TRPM3: variants seen among roughly 807,000 people sequenced by gnomAD.
TRPM3 encodes transient receptor potential cation channel subfamily M member 3, also known as long transient receptor potential channel 3.
In TRPM3, 77 loss-of-function variants were observed where a neutral mutation model predicts 181.2. The observed-to-expected ratio is 0.42, with a 90% CI of 0.35 to 0.51. TRPM3 has a LOEUF of 0.51. TRPM3 is among the 20% of genes least tolerant of loss of function. TRPM3 has a pLI of 0.01. For missense variants in TRPM3, 1,759 were observed against 2,196.7 expected, an observed-to-expected ratio of 0.80 and a Z score of 3.98; for synonymous variants, 745 against 796.4, an observed-to-expected ratio of 0.94 and a Z score of 1.09.
intron 1 of TRPM3, among the ~76,000 whole-genome samples, chr9:71,083,241 T>C (rs1450382401): frequency 6.6e-6 from 1 of 152,136 alleles, no homozygotes; most frequent in African/African-American, 2.4e-5. Context: ...CTACCATTTA[T>C]TGAGTGCTTA....
At chr9:71,302,505 C>T (rs1161206075) in intron 1 of TRPM3, among the ~76,000 whole-genome samples, 1 of 152,204 alleles carries the variant, frequency 6.6e-6, no homozygotes, top group East Asian at 1.9e-4. Context: ...AATTTCATTT[C>T]TCCATTTCTT....
chr9:70,974,140 TA>T, intron 1 of TRPM3, among the ~76,000 whole-genome samples: 1 of 152,324 alleles, frequency 6.6e-6, no homozygotes, highest in East Asian at 1.9e-4. Context: ...TATAGCGTAG[TA>T]AACTTACTGA....
chr9:70,581,209 G>A (rs1210846659), intron 22 of TRPM3, among the ~76,000 whole-genome samples: 4 of 152,190 alleles, frequency 2.6e-5, no homozygotes, highest in Admixed American at 1.3e-4. Flanking sequence ...ACCAGTGGGT[G>A]TCATCTCCCT....
chr9:71,158,087 T>G (rs1352929693), intron 1 of TRPM3, among the ~76,000 whole-genome samples: 1 of 152,176 alleles, frequency 6.6e-6, no homozygotes, highest in Non-Finnish European at 1.5e-5. Flanking sequence ...AATCTTAAAG[T>G]TGTGACATAG....
intron 8 of TRPM3, among the ~76,000 whole-genome samples, chr9:70,742,390 G>T (rs565637809): frequency 2.0e-5 from 3 of 152,114 alleles, no homozygotes; most frequent in South Asian, 4.1e-4. Flanking sequence ...TCAGATCAGG[G>T]TAATTAGCAT....
chr9:70,816,216 A>G (rs2092676578), intron 6 of TRPM3, among the ~76,000 whole-genome samples: 1 of 152,256 alleles, frequency 6.6e-6, no homozygotes, highest in African/African-American at 2.4e-5. Flanking sequence ...TTATCTTTTC[A>G]TAATTGCCAT....
At chr9:70,919,589 G>C (rs2096634380) in intron 1 of TRPM3, among the ~76,000 whole-genome samples, 1 of 152,098 alleles carries the variant, frequency 6.6e-6, no homozygotes, top group African/African-American at 2.4e-5. Context: ...TTGGAGACCA[G>C]CCTGGCCAAC....
intron 1 of TRPM3, among the ~76,000 whole-genome samples, chr9:71,207,820 C>G (rs1218643339): frequency 6.6e-6 from 1 of 152,104 alleles, no homozygotes; most frequent in Non-Finnish European, 1.5e-5. Flanking sequence ...AGAACATAGA[C>G]AGTTGCTATA....
chr9:70,838,083 G>T (rs1010255326), intron 5 of TRPM3, among the ~76,000 whole-genome samples: 2 of 152,132 alleles, frequency 1.3e-5, no homozygotes, highest in African/African-American at 4.8e-5. Context: ...ATGAAGACAG[G>T]CAGAACAAGT....
intron 8 of TRPM3, among the ~76,000 whole-genome samples, chr9:70,699,739 A>G (rs2071781737): frequency 6.6e-6 from 1 of 152,138 alleles, no homozygotes; most frequent in Non-Finnish European, 1.5e-5. Context: ...TAAATCTTGG[A>G]GTGAGGATTG....
At chr9:71,144,109 A>G (rs1190418312) in intron 1 of TRPM3, among the ~76,000 whole-genome samples, 1 of 152,168 alleles carries the variant, frequency 6.6e-6, no homozygotes, top group Admixed American at 6.6e-5. Flanking sequence ...TAACACAACG[A>G]CTTCCTTAAA....
chr9:70,613,853 CA>C (rs945004377), intron 18 of TRPM3, among the ~76,000 whole-genome samples: 14 of 152,256 alleles, frequency 9.2e-5, no homozygotes, highest in African/African-American at 3.4e-4. Flanking sequence ...CTAGGCTGAG[CA>C]GGGGAAGCTA....
At chr9:70,890,172 G>T (rs1265545075) in intron 1 of TRPM3, among the ~76,000 whole-genome samples, 1 of 150,708 alleles carries the variant, frequency 6.6e-6, no homozygotes, top group Admixed American at 6.6e-5. Flanking sequence ...AAGCATGGAA[G>T]AAGAGAGACT....
At chr9:70,990,162 G>C (rs1263567627) in intron 1 of TRPM3, among the ~76,000 whole-genome samples, 1 of 152,158 alleles carries the variant, frequency 6.6e-6, no homozygotes, top group Non-Finnish European at 1.5e-5. Context: ...TCTATTCTGA[G>C]ACAAGATGCA....
intron 8 of TRPM3, among the ~76,000 whole-genome samples, chr9:70,695,647 C>T (rs1023412907): frequency 1.3e-5 from 2 of 152,206 alleles, no homozygotes; most frequent in Non-Finnish European, 2.9e-5. Context: ...ATGCCTCTAT[C>T]ACAGCACAAA....
chr9:71,052,333 GA>G (rs2060150285), intron 1 of TRPM3, among the ~76,000 whole-genome samples: 1 of 152,140 alleles, frequency 6.6e-6, no homozygotes, highest in Non-Finnish European at 1.5e-5. Flanking sequence ...GCTGTATCTT[GA>G]AAACCCACGA....
chr9:71,126,830 G>C (rs1331244607), intron 1 of TRPM3, among the ~76,000 whole-genome samples: 4 of 152,156 alleles, frequency 2.6e-5, no homozygotes, highest in Non-Finnish European at 5.9e-5. Context: ...CAGAGAGTGG[G>C]TGAGTTTTTC....
intron 8 of TRPM3, among the ~76,000 whole-genome samples, chr9:70,683,586 G>C (rs140519355): frequency 3.3e-5 from 5 of 151,654 alleles, no homozygotes; most frequent in South Asian, 2.1e-4. Flanking sequence ...AAAATATGAA[G>C]AGCCAAACAA....
At chr9:70,596,502 C>T (rs1015782263) in intron 21 of TRPM3, among the ~76,000 whole-genome samples, 10 of 151,992 alleles carry the variant, frequency 6.6e-5, no homozygotes, top group Admixed American at 2.0e-4. Flanking sequence ...GAGGCTGAGG[C>T]GGGTGGATCA....
Sources: gnomAD v4.1 joint callset for allele counts (sites outside exome capture counted in the v4.1 genomes callset) on GRCh38, gnomAD v4.1.1 for gene constraint, MANE v1.5 for transcripts, NCBI Gene and HGNC (gene_info 2026-07-23, HGNC 2026-07-21) for gene names.